The following FAM222A variants were observed in gnomAD, a reference collection of about 807,000 sequenced individuals.
FAM222A encodes the protein family with sequence similarity 222 member A.
Under a neutral mutation model 25.8 loss-of-function variants are expected in FAM222A, and 7 were observed. The ratio of observed to expected loss-of-function variants is 0.27; its 90% CI spans 0.15 to 0.51. The LOEUF (loss-of-function observed/expected upper bound fraction) is 0.51. Ranked by LOEUF, FAM222A falls within the 20% of genes least tolerant of loss-of-function variation. FAM222A has a pLI of 0.97. For missense variants in FAM222A, 573 were observed against 640.5 expected, an observed-to-expected ratio of 0.89 and a Z score of 1.14; for synonymous variants, 294 against 298.8, an observed-to-expected ratio of 0.98 and a Z score of 0.17.
intron 2 of FAM222A, 44 bp from the exon 3 acceptor site, chr12:109,767,968 G>T: frequency 6.3e-7 from 1 of 1,582,346 alleles, no homozygotes; most frequent in Non-Finnish European, 8.6e-7. Context: ...GGAGAGGTTG[G>T]CATGGCCTCC....
In FAM222A at chr12:109,714,129, C is replaced by A; in HGVS notation, c.-815C>A. On this transcript the variant is annotated 5_prime_UTR_variant, in exon 1 of 3. Coordinates refer to ENST00000538780, the MANE Select transcript of FAM222A (RefSeq NM_032829.3). The surrounding 1 kb of genome is among the most constrained non-coding windows in gnomAD (Gnocchi z 4.2). ...TCCCCCGGGCCGTCCTCGTGTCCGT[C>A]CTGCGCCACTGGGATCGGCTGTTTC... The A allele has an allele frequency of 6.0e-6, 1 of 165,486 alleles. No homozygotes were observed. Among genetic ancestry groups the A allele is most frequent in the South Asian group, 1.2e-4 (1 of 8,600 alleles). The allele number at this position is 165,486 out of a possible 1,614,324, so 10.3% of individuals were successfully genotyped here. A position where few individuals can be genotyped will look rare whatever the true frequency, so the allele number is the denominator to read the frequency against.
chr12:109,769,519 C>T lies in FAM222A; in HGVS notation c.*231C>T. 1 of 568,154 alleles carries T rather than the reference C, an allele frequency of 1.8e-6. No homozygotes were observed. The highest frequency in any genetic ancestry group is 3.1e-6 in the Non-Finnish European group (1 of 324,026). 35.2% of individuals were successfully genotyped at this position (568,154 alleles called of 1,614,324 possible). On this transcript the variant is annotated 3_prime_UTR_variant, in exon 3 of 3. Coordinates refer to ENST00000538780, the MANE Select transcript of FAM222A (RefSeq NM_032829.3). Reference sequence around the variant, plus strand: ...GGTTGCCCCAGGACACAGTGAGGGCCTGGGGGCAGCCACTGACGCCCATGC... The same window carrying T: ...GGTTGCCCCAGGACACAGTGAGGGCTTGGGGGCAGCCACTGACGCCCATGC...
intron 2 of FAM222A, among the ~76,000 whole-genome samples, chr12:109,755,293 T>C (rs1248396883): frequency 1.8e-4 from 1 of 5,708 alleles, no homozygotes; most frequent in African/African-American, 4.7e-4. Flanking sequence ...TCTTCTTTTT[T>C]TTTTTTTTTT....
chr12:109,743,981 G>C, intron 1 of FAM222A, 120 bp from the exon 2 acceptor site: 4 of 1,418,662 alleles, frequency 2.8e-6, no homozygotes, highest in Non-Finnish European at 2.8e-6. Context: ...AGGGAAATGG[G>C]TGTCTGCTTT....
chr12:109,730,310 C>T (rs1357789855), intron 1 of FAM222A, among the ~76,000 whole-genome samples: 2 of 151,710 alleles, frequency 1.3e-5, no homozygotes, highest in East Asian at 3.9e-4. Context: ...GCCTCAGTTT[C>T]CCCCCCTGCT....
chr12:109,766,469 C>T (rs1273904339), intron 2 of FAM222A, among the ~76,000 whole-genome samples: 2 of 152,244 alleles, frequency 1.3e-5, no homozygotes, highest in African/African-American at 2.4e-5. Flanking sequence ...GCTGGCCTTA[C>T]AGGTGAACAG....
At chr12:109,756,566 AT>A (rs1888738743) in intron 2 of FAM222A, among the ~76,000 whole-genome samples, 1 of 152,146 alleles carries the variant, frequency 6.6e-6, no homozygotes, top group African/African-American at 2.4e-5. Flanking sequence ...TGTTTTTATC[AT>A]GAGGGATATT....
intron 1 of FAM222A, among the ~76,000 whole-genome samples, chr12:109,727,166 C>G (rs1016938771): frequency 6.6e-6 from 1 of 152,012 alleles, no homozygotes; most frequent in African/African-American, 2.4e-5. Context: ...TCTCTGTGGT[C>G]GGGGTCTTCT....
intron 1 of FAM222A, among the ~76,000 whole-genome samples, chr12:109,738,649 G>C (rs1358128408): frequency 6.6e-6 from 1 of 152,204 alleles, no homozygotes; most frequent in Non-Finnish European, 1.5e-5. Context: ...TGAACTGCTG[G>C]GTTTTGCCAG....
chr12:109,720,043 G>A (rs1464619974), intron 1 of FAM222A: 2 of 963,558 alleles, frequency 2.1e-6, no homozygotes, highest in African/African-American at 1.8e-5. Flanking sequence ...TCATGGGCTT[G>A]TGGGTGGGGT....
At chr12:109,724,568 C>T (rs564180397) in intron 1 of FAM222A, among the ~76,000 whole-genome samples, 6 of 152,314 alleles carry the variant, frequency 3.9e-5, no homozygotes, top group Admixed American at 2.0e-4. Context: ...AGGCTTCCCC[C>T]GGGGCCTGCG....
At chr12:109,720,823 A>G (rs567826126) in intron 1 of FAM222A, among the ~76,000 whole-genome samples, 32 of 152,246 alleles carry the variant, frequency 2.1e-4, no homozygotes, top group African/African-American at 7.7e-4. Flanking sequence ...AATTGCCACA[A>G]TGGAGGAATT....
intron 2 of FAM222A, among the ~76,000 whole-genome samples, chr12:109,767,079 T>C (rs1449172200): frequency 6.8e-6 from 1 of 147,488 alleles, no homozygotes; most frequent in Non-Finnish European, 1.5e-5. Context: ...TTTTTTTTTT[T>C]TTTTTTTCTT....
At chr12:109,758,001 G>A (rs1222415970) in intron 2 of FAM222A, among the ~76,000 whole-genome samples, 1 of 152,202 alleles carries the variant, frequency 6.6e-6, no homozygotes, top group Non-Finnish European at 1.5e-5. Flanking sequence ...GGGAAACTGA[G>A]GCACATGGGA....
intron 1 of FAM222A, among the ~76,000 whole-genome samples, chr12:109,730,528 G>A (rs1209317462): frequency 6.6e-6 from 1 of 152,158 alleles, no homozygotes; most frequent in Non-Finnish European, 1.5e-5. Context: ...TTGCCCTTGG[G>A]ACACTCAGAC....
intron 1 of FAM222A, among the ~76,000 whole-genome samples, chr12:109,719,129 G>T (rs1455012616): frequency 6.6e-6 from 1 of 152,142 alleles, no homozygotes; most frequent in Admixed American, 6.5e-5. Flanking sequence ...TTCATGCCCT[G>T]ACCACTCCAG....
At chr12:109,750,198 A>G (rs925774980) in intron 2 of FAM222A, among the ~76,000 whole-genome samples, 98 of 152,282 alleles carry the variant, frequency 6.4e-4, no homozygotes, top group African/African-American at 2.3e-3. Context: ...TAATGGTATA[A>G]CTATTCCTTA....
chr12:109,765,727 C>CAGCA (rs1005573356), intron 2 of FAM222A, among the ~76,000 whole-genome samples: 19 of 152,228 alleles, frequency 1.2e-4, no homozygotes, highest in African/African-American at 4.6e-4. Context: ...GGGACATGGC[C>CAGCA]AGCAGCCTTC....
chr12:109,742,513 G>A (rs532457304), intron 1 of FAM222A, among the ~76,000 whole-genome samples: 3 of 152,218 alleles, frequency 2.0e-5, no homozygotes, highest in Admixed American at 6.5e-5. Context: ...GGATACTGCA[G>A]CTTTTATTGC....
Sources: allele counts gnomAD v4.1 joint callset (sites outside exome capture counted in the v4.1 genomes callset), GRCh38; gene constraint gnomAD v4.1.1; non-coding constraint Gnocchi (gnomAD v3.1); transcripts MANE v1.5; gene names NCBI Gene and HGNC (gene_info 2026-07-23, HGNC 2026-07-21).